The following PDZD4 variants were observed in gnomAD, a reference collection of about 807,000 sequenced individuals.
The protein encoded by PDZD4 is PDZ domain containing 4, also known as PDZ domain-containing protein 4.
A neutral mutation model predicts 38.5 loss-of-function variants in PDZD4; 9 were observed. The observed-to-expected ratio is 0.23, with a 90% confidence interval of 0.14 to 0.41. The LOEUF is 0.41. Ranked by LOEUF, PDZD4 falls within the 10% of genes least tolerant of loss-of-function variation. PDZD4 has a pLI of 1.00. For synonymous variants in PDZD4, 349 were observed against 315.7 expected (o/e 1.11, Z -1.12); for missense variants, 612 against 722.0 (o/e 0.85, Z 1.75).
chrX:153,829,220 C>T (rs1162047431), intron 1 of PDZD4, among the ~76,000 whole-genome samples: 2 of 107,616 alleles, frequency 1.9e-5, no homozygotes, highest in Non-Finnish European at 3.9e-5. Context: ...CCCCCGCCCC[C>T]GCCCCGGAGT....
chrX:153,806,897 G>A (rs782436692), intron 3 of PDZD4, 57 bp from the exon 4 acceptor site: 87 of 1,015,995 alleles, frequency 8.6e-5, no homozygotes, highest in Non-Finnish European at 1.2e-4. Flanking sequence ...ATGCGTGAGT[G>A]AGGGAGCAGG....
chrX:153,803,812 A>C lies in PDZD4; in HGVS notation c.1869T>G (p.Thr623=). 8.3e-7 allele frequency: 1 copy of C among 1,199,710 alleles called. No individual in the cohort carries two copies. The highest frequency in any genetic ancestry group is 1.1e-6 in the Non-Finnish European group (1 of 891,184). ...CTTTCCACTCCATGCGCGGTGCTTCAGTGGCCGCGGCCGCCACCCCGCCCA... is the reference window on the plus strand; with the variant it reads ...CTTTCCACTCCATGCGCGGTGCTTCCGTGGCCGCGGCCGCCACCCCGCCCA... ...PRVGGVAAAA[T]EAPRMEWKVK... The change falls in exon 8 of 8, where the codon ACT becomes ACG. Residue 623 remains threonine, a synonymous_variant. Transcript: ENST00000393758.
chrX:153,809,291 T>C (rs1449978280), intron 1 of PDZD4, among the ~76,000 whole-genome samples: 6 of 112,639 alleles, frequency 5.3e-5, no homozygotes, highest in Admixed American at 9.3e-5. Flanking sequence ...GTGGTCCTTA[T>C]AAAGCCACCA....
At chrX:153,814,294 T>A (rs2064337133) in intron 1 of PDZD4, among the ~76,000 whole-genome samples, 1 of 111,134 alleles carries the variant, frequency 9.0e-6, no homozygotes, top group African/African-American at 3.3e-5. Context: ...GCCAACACAG[T>A]GAAACCCCGT....
At chrX:153,822,586 A>G (rs902336583) in intron 1 of PDZD4, among the ~76,000 whole-genome samples, 11 of 110,943 alleles carry the variant, frequency 9.9e-5, no homozygotes, top group African/African-American at 3.6e-4. Context: ...ATGACCACAT[A>G]TGCCTCCGCT....
At chrX:153,808,693 A>G in intron 1 of PDZD4, 98 bp from the exon 2 acceptor site, 1 of 972,869 alleles carries the variant, frequency 1.0e-6, no homozygotes, top group Non-Finnish European at 1.4e-6. Flanking sequence ...TGGGCTGACA[A>G]CCAGCACCCC....
Position 153,828,849 on chromosome X carries a change from C to A in PDZD4, c.60+1390G>T, listed in dbSNP as rs191294638. 6.5e-4 allele frequency among the ~76,000 whole-genome samples: 73 copies of A among 111,986 alleles called. 1 individual carries two copies. Among genetic ancestry groups the A allele is most frequent in the African/African-American group, 2.1e-3 (65 of 30,865 alleles). ...GTCCCCGTCAACCAACCATCCCAGC[C>A]CTGGAATCCAACACGGATTCCACAG... On this transcript the variant is annotated intron_variant, in intron 1 of 7. Coordinates refer to ENST00000393758, the MANE Select transcript of PDZD4 (RefSeq NM_001303512.2).
Position 153,804,040 on chromosome X carries a change from G to A in PDZD4, c.1641C>T (p.His547=). The change falls in exon 8 of 8, where the codon CAC becomes CAT. Residue 547 remains histidine, a synonymous_variant. Transcript: ENST00000393758. ...SRDPEAGRRQ[H]AEERGRRNPK... ...GGTTGCGGCGGCCGCGCTCCTCCGC[G>A]TGCTGCCTCCGGCCGGCCTCAGGAT... is the stretch of plus-strand genomic sequence containing the variant. The A allele has an allele frequency of 8.6e-7, 1 of 1,159,164 alleles. No homozygotes were observed. Among genetic ancestry groups the A allele is most frequent in the African/African-American group, 1.8e-5 (1 of 56,530 alleles).
chrX:153,806,212 C>T (rs2064248155), intron 4 of PDZD4, 79 bp from the exon 5 acceptor site: 5 of 1,033,494 alleles, frequency 4.8e-6, no homozygotes, highest in Admixed American at 2.2e-5. Flanking sequence ...CCTCAGGGGC[C>T]CCCAAAGCAA....
Position 153,830,200 on chromosome X carries a change from C to A in PDZD4, c.60+39G>T, listed in dbSNP as rs1557083464. The A allele has an allele frequency of 6.0e-6, 7 of 1,167,232 alleles. No homozygotes were observed. In the East Asian group the frequency reaches 2.2e-4, roughly 37 times the overall value. ...CTCCCCACTGGCCCGCTCCTCCCCG[C>A]GGAGGGCCGCGCCCCCGCCGCAGCG... On this transcript the variant is annotated intron_variant, in intron 1 of 7. Coordinates refer to ENST00000393758, the MANE Select transcript of PDZD4 (RefSeq NM_001303512.2).
intron 1 of PDZD4, among the ~76,000 whole-genome samples, chrX:153,823,122 G>A (rs2064443749): frequency 9.1e-6 from 1 of 109,781 alleles, no homozygotes; most frequent in Admixed American, 9.8e-5. Context: ...GCAGTGGCTT[G>A]ATCTTGGCTC....
Position 153,804,520 on chromosome X carries a change from G to A in PDZD4, c.1161C>T (p.Ser387=), listed in dbSNP as rs138452536. 19 of 1,208,454 alleles carry A rather than the reference G, an allele frequency of 1.6e-5. No homozygotes were observed. In the South Asian group the frequency reaches 3.3e-4, roughly 21 times the overall value. The change falls in exon 8 of 8, where the codon TCC becomes TCT. Residue 387 remains serine (S), a synonymous_variant. Coordinates refer to ENST00000393758, the MANE Select transcript of PDZD4 (RefSeq NM_001303512.2). ...TGACGTCCAGGGCGCTGTTGCCTCC[G>A]GAGGCCCGGGGAAAGAGGAGGCCCA... ...NQLGLLFPRA[S]GGNSALDVNR... is the part of the protein sequence containing the mutation.
chrX:153,808,091 C>T (rs1459531567), intron 2 of PDZD4: 41 of 1,063,160 alleles, frequency 3.9e-5, no homozygotes, highest in Non-Finnish European at 4.2e-5. Flanking sequence ...GCCCTCAACC[C>T]TGGCACTTCC....
Position 153,802,574 on chromosome X carries a change from T to C in PDZD4, c.*779A>G, listed in dbSNP as rs1173131257. On this transcript the variant is annotated 3_prime_UTR_variant, in exon 8 of 8. Transcript: ENST00000393758. ...GCAGGACCCCTCCGTTCCTGCAGTCTTGCTCTCTCTGAGTCACTGGGGAAA... is the reference window on the plus strand; with the variant it reads ...GCAGGACCCCTCCGTTCCTGCAGTCCTGCTCTCTCTGAGTCACTGGGGAAA... The C allele has an allele frequency of 9.0e-6, 1 of 111,705 alleles. No individual in the cohort carries two copies. Among genetic ancestry groups the C allele is most frequent in the Admixed American group, 9.4e-5 (1 of 10,588 alleles). 9.2% of individuals were successfully genotyped at this position (111,705 alleles called of 1,213,427 possible). A position where few individuals can be genotyped will look rare whatever the true frequency, so the allele number is the denominator to read the frequency against.
chrX:153,804,396 G>C lies in PDZD4; in HGVS notation c.1285C>G (p.Gln429Glu). The change falls in exon 8 of 8, where the codon CAG (glutamine) becomes GAG (glutamate). Residue 429 changes from glutamine to glutamate, a missense_variant. Around this residue, in one of 3 missense-constraint regions of PDZD4, gnomAD observed 300 missense variants for 284.6 expected, o/e 1.05. Coordinates refer to ENST00000393758, the MANE Select transcript of PDZD4 (RefSeq NM_001303512.2). ...TTCATGCAGCGCTCACGCAGCTGCT[G>C]CATCTTCTGCGCCCGCAGTATGTTG... Reference protein sequence around the residue: ...CRNILRAQKMQQLRERCMKAW... With the variant: ...CRNILRAQKMEQLRERCMKAW... 1 of 1,209,617 alleles carries C rather than the reference G, an allele frequency of 8.3e-7. No individual in the cohort carries two copies. Among genetic ancestry groups the C allele is most frequent in the Non-Finnish European group, 1.1e-6 (1 of 895,529 alleles).
intron 1 of PDZD4, among the ~76,000 whole-genome samples, chrX:153,816,483 C>T (rs2064364033): frequency 9.1e-6 from 1 of 109,562 alleles, no homozygotes; most frequent in Admixed American, 9.5e-5. Context: ...GGGGTGGGCC[C>T]GGGAAGCACG....
chrX:153,816,502 G>A (rs1442379077), intron 1 of PDZD4, among the ~76,000 whole-genome samples: 2 of 110,407 alleles, frequency 1.8e-5, no homozygotes, highest in Non-Finnish European at 3.8e-5. Context: ...CGGGAGATGA[G>A]GGAAGAGGGG....
At position 153,804,492 on chromosome X, in the gene PDZD4, G is replaced by A. The variant is rs200759172; in HGVS notation, c.1189C>T (p.Arg397Cys). 5.0e-6 allele frequency: 6 copies of A among 1,208,814 alleles called. No homozygotes were observed. The East Asian group carries it at 8.9e-5, about 18-fold the overall frequency. ...ATCTCGTGGCCCAGGCTCTCGTTGCGGTTGACGTCCAGGGCGCTGTTGCCT... is the reference window on the plus strand; with the variant it reads ...ATCTCGTGGCCCAGGCTCTCGTTGCAGTTGACGTCCAGGGCGCTGTTGCCT... ...SGGNSALDVN[R>C]NESLGHEMAM... Residue 397 changes from arginine (R) to cysteine (C), a missense_variant, in exon 8 of 8, where the codon CGC becomes TGC. This residue lies in a region of PDZD4 where 300 missense variants were observed against 284.6 expected (regional missense o/e 1.05). Transcript: ENST00000393758.
Position 153,810,485 on chromosome X carries a change from C to T in PDZD4, c.61-1890G>A, listed in dbSNP as rs782796201. ...GGGCAGGGCGAGGAGACCCAGAGTCCGCCTAGGGATGGAGCAGGCTGGGAG... is the reference window on the plus strand; with the variant it reads ...GGGCAGGGCGAGGAGACCCAGAGTCTGCCTAGGGATGGAGCAGGCTGGGAG... On this transcript the variant is annotated intron_variant, in intron 1 of 7. Coordinates refer to ENST00000393758, the MANE Select transcript of PDZD4 (RefSeq NM_001303512.2). 7.1e-5 allele frequency among the ~76,000 whole-genome samples: 8 copies of T among 112,742 alleles called. 1 individual carries two copies. The South Asian group carries it at 2.5e-3, about 36-fold the overall frequency.
Sources: gnomAD v4.1 joint callset for allele counts (sites outside exome capture counted in the v4.1 genomes callset) on GRCh38, gnomAD v4.1.1 for gene constraint, gnomAD v4.1.1 regional missense constraint, MANE v1.5 for transcripts, NCBI Gene and HGNC (gene_info 2026-07-23, HGNC 2026-07-21) for gene names.